CBLB: variants seen among roughly 807,000 people sequenced by gnomAD.
CBLB encodes E3 ubiquitin-protein ligase CBL-B.
A neutral mutation model predicts 104.9 loss-of-function variants in CBLB; 31 were observed. The ratio of observed to expected loss-of-function variants is 0.30; its 90% confidence interval spans 0.22 to 0.40. The LOEUF (loss-of-function observed/expected upper bound fraction) is 0.40. Among genes scored for constraint, CBLB ranks in the 10% least tolerant of loss-of-function variants. The pLI, the probability that CBLB is intolerant of heterozygous loss-of-function variation, is 1.00. For synonymous variants in CBLB, 440 were observed against 422.6 expected, an observed-to-expected ratio of 1.04 and a Z score of -0.51; for missense variants, 1,062 against 1,214.6, an observed-to-expected ratio of 0.87 and a Z score of 1.87.
intron 4 of CBLB, among the ~76,000 whole-genome samples, chr3:105,775,748 C>T (rs1049680852): frequency 6.6e-6 from 1 of 152,190 alleles, no homozygotes; most frequent in Non-Finnish European, 1.5e-5. Context: ...CATTATCTAC[C>T]AAGCTCACCA....
intron 10 of CBLB, among the ~76,000 whole-genome samples, chr3:105,704,507 A>G (rs759544032): frequency 3.9e-5 from 6 of 152,194 alleles, no homozygotes; most frequent in Non-Finnish European, 8.8e-5. Flanking sequence ...CACATAATGC[A>G]ATAATGCACA....
chr3:105,703,098 A>G (rs2069492730), intron 11 of CBLB, among the ~76,000 whole-genome samples: 1 of 151,906 alleles, frequency 6.6e-6, no homozygotes, highest in Non-Finnish European at 1.5e-5. Context: ...ACATAGAAAT[A>G]TAAAGGTATA....
intron 3 of CBLB, among the ~76,000 whole-genome samples, chr3:105,782,901 C>T (rs374388848): frequency 9.2e-5 from 14 of 152,218 alleles, no homozygotes; most frequent in South Asian, 4.2e-4. Flanking sequence ...ATGTTATCTA[C>T]GAAGTTTTAT....
At chr3:105,700,340 C>T (rs2068916310) in intron 12 of CBLB, among the ~76,000 whole-genome samples, 1 of 151,952 alleles carries the variant, frequency 6.6e-6, no homozygotes, top group Non-Finnish European at 1.5e-5. Context: ...TATTATATTT[C>T]AAGTATTTTT....
chr3:105,786,061 C>CGAG (rs1560233597), intron 3 of CBLB, among the ~76,000 whole-genome samples: 1 of 79,200 alleles, frequency 1.3e-5, no homozygotes, highest in Non-Finnish European at 2.7e-5. Flanking sequence ...GTGAGAGGAT[C>CGAG]GGGGGGGGGA....
Position 105,743,947 on chromosome 3 carries a change from A to AT in CBLB, c.845+1969dup, listed in dbSNP as rs573115523. On this transcript the variant is annotated intron_variant, in intron 6 of 18. Transcript: ENST00000394030. ...ATGGCAAGTTAGGAAGGAAAGAAGG[A>AT]TTTTTTTCTCAGAGGACATTATTCT... 1.1e-4 allele frequency among the ~76,000 whole-genome samples: 16 copies of AT among 152,218 alleles called. No homozygotes were observed. In the South Asian group the frequency reaches 2.9e-3, roughly 28 times the overall value.
At chr3:105,837,341 G>A (rs368501384) in intron 3 of CBLB, among the ~76,000 whole-genome samples, 15 of 152,326 alleles carry the variant, frequency 9.8e-5, no homozygotes, top group African/African-American at 3.4e-4. Context: ...TAGATTTTTG[G>A]AGGATTCCCC....
In CBLB at chr3:105,743,579, G is replaced by A. The variant is rs572474096; in HGVS notation, c.845+2338C>T. Among the ~76,000 whole-genome samples, 17 of 151,824 alleles carry A rather than the reference G, an allele frequency of 1.1e-4. No individual in the cohort carries two copies. In the South Asian group the frequency reaches 3.1e-3, roughly 28 times the overall value. On this transcript the variant is annotated intron_variant, in intron 6 of 18. Transcript: ENST00000394030. ...TGTCACCTAATGAATACTTCACTTA[G>A]ATTTCCAAATGTTACTACCTTCACC... is the stretch of plus-strand genomic sequence containing the variant.
rs369617326 is a variant in CBLB, at chr3:105,717,095, A to G, written c.1407+2952T>C. On this transcript the variant is annotated intron_variant, in intron 10 of 18. Transcript: ENST00000394030. ...GAGGCTCAAGCTTCAACTTAATTCAATGGAAAGCAGGTTGAGACTGCAACT... is the reference window on the plus strand; with the variant it reads ...GAGGCTCAAGCTTCAACTTAATTCAGTGGAAAGCAGGTTGAGACTGCAACT... Among the ~76,000 whole-genome samples the G allele has an allele frequency of 2.6e-4, 40 of 152,236 alleles. 1 individual carries two copies. In the South Asian group the frequency reaches 6.0e-3, roughly 23 times the overall value.
chr3:105,694,777 G>A (rs1410949001), intron 12 of CBLB, among the ~76,000 whole-genome samples: 1 of 151,614 alleles, frequency 6.6e-6, no homozygotes, highest in East Asian at 1.9e-4. Context: ...CTTTTTTCAT[G>A]TTTCCCTTCA....
At position 105,802,156 on chromosome 3, in the gene CBLB, T is replaced by A. The variant is rs2082951600; in HGVS notation, c.420-25614A>T. The stretch of plus-strand genomic sequence containing the variant: ...CATACATCCAAAGATACCTGCAGCA[T>A]CCTGGATGTCAGATTCTTTTCTTCA... On this transcript the variant is annotated intron_variant, in intron 3 of 18. Coordinates refer to ENST00000394030, the MANE Select transcript of CBLB (RefSeq NM_170662.5). 1.3e-5 allele frequency among the ~76,000 whole-genome samples: 2 copies of A among 152,228 alleles called. 1 individual carries two copies. The highest frequency in any genetic ancestry group is 4.1e-4 in the South Asian group (2 of 4,834).
intron 3 of CBLB, among the ~76,000 whole-genome samples, chr3:105,822,661 C>T (rs1363906409): frequency 2.0e-5 from 3 of 152,200 alleles, no homozygotes; most frequent in Non-Finnish European, 2.9e-5. Context: ...ATCTACTCTA[C>T]TACTCTTAGT....
chr3:105,696,600 A>AT (rs771405571), intron 12 of CBLB, among the ~76,000 whole-genome samples: 3 of 151,750 alleles, frequency 2.0e-5, no homozygotes, highest in African/African-American at 2.4e-5. Flanking sequence ...ACTAAGAAAC[A>AT]TTTTTTTGTC....
At chr3:105,729,756 G>A (rs1271614270) in intron 9 of CBLB, among the ~76,000 whole-genome samples, 1 of 152,002 alleles carries the variant, frequency 6.6e-6, no homozygotes. Flanking sequence ...TTACAGATAC[G>A]AGACCTTCAG....
At chr3:105,775,986 G>C (rs1395014573) in intron 4 of CBLB, among the ~76,000 whole-genome samples, 2 of 152,106 alleles carry the variant, frequency 1.3e-5, no homozygotes, top group Non-Finnish European at 2.9e-5. Context: ...TGATCCCAAA[G>C]CAACTATTCC....
chr3:105,802,537 C>T (rs2083012551), intron 3 of CBLB, among the ~76,000 whole-genome samples: 1 of 152,204 alleles, frequency 6.6e-6, no homozygotes, highest in African/African-American at 2.4e-5. Context: ...CAATGAAGGT[C>T]CCACGGGATT....
Position 105,678,468 on chromosome 3 carries a change from C to T in CBLB, c.2532G>A (p.Arg844=). 2.5e-6 allele frequency: 4 copies of T among 1,613,962 alleles called. No homozygotes were observed. The highest frequency in any genetic ancestry group is 3.4e-6 in the Non-Finnish European group (4 of 1,179,918). The change falls in exon 17 of 19, where the codon CGG becomes CGA. Residue 844 remains arginine, a synonymous_variant. Transcript: ENST00000394030. Reference sequence around the variant, plus strand: ...GAAAAAGATCCTGTCCTGAGGATGGCCGGCTACTGGAGCCAGGAGGTTTTG... The same window carrying T: ...GAAAAAGATCCTGTCCTGAGGATGGTCGGCTACTGGAGCCAGGAGGTTTTG... ...EHSKPPGSSS[R]PSSGQDLFLL... is the part of the protein sequence containing the mutation.
At chr3:105,835,161 T>G (rs1294760204) in intron 3 of CBLB, among the ~76,000 whole-genome samples, 1 of 152,234 alleles carries the variant, frequency 6.6e-6, no homozygotes, top group African/African-American at 2.4e-5. Flanking sequence ...CGGCATGTAA[T>G]GTTACAAAGA....
chr3:105,684,369 A>T (rs1009310463), intron 14 of CBLB, among the ~76,000 whole-genome samples: 6 of 152,220 alleles, frequency 3.9e-5, no homozygotes, highest in African/African-American at 7.2e-5. Flanking sequence ...TCAGTTTATA[A>T]ATTCAATAAT....
Sources: gnomAD v4.1 joint callset for allele counts (sites outside exome capture counted in the v4.1 genomes callset) on GRCh38, gnomAD v4.1.1 for gene constraint, MANE v1.5 for transcripts, NCBI Gene and HGNC (gene_info 2026-07-23, HGNC 2026-07-21) for gene names.